PCM1: variants seen among roughly 807,000 people sequenced by gnomAD.
PCM1 encodes the protein pericentriolar material 1 protein.
PCM1 carries 157 observed loss-of-function variants against 241.9 expected under a neutral mutation model. The ratio of observed to expected loss-of-function variants is 0.65; its 90% CI spans 0.57 to 0.74. The LOEUF (loss-of-function observed/expected upper bound fraction) is 0.74, where lower values mean the gene tolerates loss of function less well. PCM1 is among the 30% of genes least tolerant of loss of function. The pLI is 0.00. For missense variants in PCM1, 3,478 were observed against 2,360.1 expected, an observed-to-expected ratio of 1.47 and a Z score of -9.81; for synonymous variants, 1,085 against 784.9, an observed-to-expected ratio of 1.38 and a Z score of -6.39.
At chr8:17,983,022 C>T (rs2081410038) in intron 24 of PCM1, among the ~76,000 whole-genome samples, 2 of 152,186 alleles carry the variant, frequency 1.3e-5, no homozygotes, top group Non-Finnish European at 2.9e-5. Flanking sequence ...TGATAGTCAT[C>T]ATCGGTCGCC....
Position 17,950,629 on chromosome 8 carries a change from G to T in PCM1, c.976G>T (p.Ala326Ser). The T allele has an allele frequency of 6.3e-7, 1 of 1,590,678 alleles. No homozygotes were observed. The highest frequency in any genetic ancestry group is 8.6e-7 in the Non-Finnish European group (1 of 1,162,524). Residue 326 changes from alanine to serine, a missense_variant, in exon 8 of 39, where the codon GCA becomes TCA. By Grantham distance (99) the Ala-to-Ser change is moderately conservative (BLOSUM62 1). Transcript: ENST00000325083. ...TTTCTTTCCAGTTGTTGCAGAAACT[G>T]CAGGTAGCTTATCTGGCGTCAGTAT... ...VMDDSVVAET[A>S]GSLSGVSITS...
At position 18,011,798 on chromosome 8, in the gene PCM1, G is replaced by A; in HGVS notation, c.5482G>A (p.Ala1828Thr). 1 of 1,613,188 alleles carries A rather than the reference G, an allele frequency of 6.2e-7. No homozygotes were observed. Among genetic ancestry groups the A allele is most frequent in the Non-Finnish European group, 8.5e-7 (1 of 1,179,660 alleles). The stretch of plus-strand genomic sequence containing the variant: ...GACTTCCCTCCAGGCTAACACTGAA[G>A]CTACTGAAGAAAATGAACATGATGA... Reference protein sequence around the residue: ...VQTSLQANTEATEENEHDEQV... With the variant: ...VQTSLQANTETTEENEHDEQV... Residue 1828 changes from alanine (A) to threonine (T), a missense_variant, in exon 34 of 39, where the codon GCT (alanine) becomes ACT (threonine). By Grantham distance (58) the Ala-to-Thr change is moderately conservative (BLOSUM62 0). Transcript: ENST00000325083.
intron 13 of PCM1, among the ~76,000 whole-genome samples, chr8:17,959,142 G>T (rs1008063902): frequency 1.3e-5 from 2 of 151,914 alleles, no homozygotes; most frequent in Non-Finnish European, 2.9e-5. Flanking sequence ...ATGACGTTTT[G>T]TGGTATGTTT....
At chr8:17,991,238 T>C (rs563588589) in intron 27 of PCM1, among the ~76,000 whole-genome samples, 12 of 152,254 alleles carry the variant, frequency 7.9e-5, no homozygotes, top group Admixed American at 7.2e-4. Flanking sequence ...GAAATAAATA[T>C]GGGCTTCAGA....
chr8:18,026,169 C>CAAAAAAA (rs2094190662), intron 38 of PCM1, among the ~76,000 whole-genome samples: 4 of 7,568 alleles, frequency 5.3e-4, no homozygotes, highest in African/African-American at 8.9e-4. Context: ...CTCTCTGAAA[C>CAAAAAAA]AAAAAAAAAA....
intron 11 of PCM1, among the ~76,000 whole-genome samples, chr8:17,957,016 A>G (rs2068832345): frequency 6.6e-6 from 1 of 152,212 alleles, no homozygotes; most frequent in South Asian, 2.1e-4. Flanking sequence ...CATGAGATGT[A>G]TCTAACTTAG....
At chr8:17,995,564 G>T (rs890770948) in intron 29 of PCM1, among the ~76,000 whole-genome samples, 1 of 151,182 alleles carries the variant, frequency 6.6e-6, no homozygotes, top group African/African-American at 2.5e-5. Context: ...TTTTTTTGTG[G>T]TTCCTATAAA....
rs1345977966 is a variant in PCM1, at chr8:18,029,319, A to C, written c.*1657A>C. ...TTCAACTTTAATAAAACCTATTCAG[A>C]AAATTACCAATTCAGAATTCGGAGT... On this transcript the variant is annotated 3_prime_UTR_variant, in exon 39 of 39. Transcript: ENST00000325083. 4.7e-6 allele frequency: 1 copy of C among 212,716 alleles called. No individual in the cohort carries two copies. Among genetic ancestry groups the C allele is most frequent in the Non-Finnish European group, 9.5e-6 (1 of 105,004 alleles). 13.2% of individuals were successfully genotyped at this position (212,716 alleles called of 1,614,324 possible). A position where few individuals can be genotyped will look rare whatever the true frequency, so the allele number is the denominator to read the frequency against.
chr8:17,963,072 A>T, intron 16 of PCM1, 29 bp from the exon 17 acceptor site: 1 of 1,530,302 alleles, frequency 6.5e-7, no homozygotes, highest in Non-Finnish European at 8.9e-7. Context: ...CCAAATATTT[A>T]TTTAACTCTG....
chr8:18,013,976 G>C lies in PCM1; in HGVS notation c.5524G>C (p.Asp1842His), dbSNP rs200811005. The C allele has an allele frequency of 4.7e-5, 75 of 1,600,078 alleles. No homozygotes were observed. The Middle Eastern group carries it at 1.3e-3, about 28-fold the overall frequency. Residue 1842 changes from aspartate (D) to histidine (H), a missense_variant, in exon 35 of 39, where the codon GAC (aspartate) becomes CAC (histidine). Coordinates refer to ENST00000325083, the MANE Select transcript of PCM1 (RefSeq NM_006197.4). ...NEHDEQVLQR[D>H]FKKTAESKNV... is the part of the protein sequence containing the mutation. Reference sequence around the variant, plus strand: ...TTTTCCCTTCTAGGTCCTACAACGTGACTTTAAAAAGACAGCAGAAAGCAA... The same window carrying C: ...TTTTCCCTTCTAGGTCCTACAACGTCACTTTAAAAAGACAGCAGAAAGCAA...
chr8:18,022,407 C>T (rs1448217041), intron 36 of PCM1, among the ~76,000 whole-genome samples: 1 of 152,226 alleles, frequency 6.6e-6, no homozygotes, highest in African/African-American at 2.4e-5. Flanking sequence ...TAGCCACTCT[C>T]ACTCAACCAA....
At chr8:17,958,307 A>G (rs754195304) in intron 13 of PCM1, among the ~76,000 whole-genome samples, 1 of 152,292 alleles carries the variant, frequency 6.6e-6, no homozygotes, top group Non-Finnish European at 1.5e-5. Flanking sequence ...TACTGTATAT[A>G]AAAGAAAAAC....
chr8:17,960,024 C>G lies in PCM1; in HGVS notation c.2051C>G (p.Ala684Gly), dbSNP rs377558873. The change falls in exon 14 of 39, where the codon GCA (alanine) becomes GGA (glycine). Residue 684 changes from alanine (A) to glycine (G), a missense_variant. Coordinates refer to ENST00000325083, the MANE Select transcript of PCM1 (RefSeq NM_006197.4). The part of the protein sequence containing the change: ...DLVAMVQDDD[A>G]AQGVISASAS... The stretch of plus-strand genomic sequence containing the variant: ...ATGATGCTCTTTCAGGATGATGATG[C>G]AGCTCAAGGAGTTATCTCTGCCAGT... The G allele has an allele frequency of 6.2e-7, 1 of 1,611,792 alleles. No homozygotes were observed. Among genetic ancestry groups the G allele is most frequent in the Non-Finnish European group, 8.5e-7 (1 of 1,179,028 alleles).
intron 15 of PCM1, 31 bp downstream of exon 15, chr8:17,960,475 A>G (rs755453693): frequency 6.4e-7 from 1 of 1,554,772 alleles, no homozygotes; most frequent in Non-Finnish European, 8.7e-7. Flanking sequence ...TAATTGTCTG[A>G]AAAAAGATGT....
At chr8:18,003,308 G>T (rs1428941526) in intron 29 of PCM1, among the ~76,000 whole-genome samples, 2 of 152,190 alleles carry the variant, frequency 1.3e-5, no homozygotes, top group Non-Finnish European at 2.9e-5. Flanking sequence ...CTCTAAGTGT[G>T]AAAACAACTG....
rs756241649 is a variant in PCM1 at position 17,964,569 on chromosome 8, A to G, written c.2656A>G (p.Thr886Ala). The change falls in exon 18 of 39, where the codon ACG becomes GCG. Residue 886 changes from threonine (T) to alanine (A), a missense_variant and splice_region_variant. Thr to Ala is a moderately conservative substitution (Grantham distance 58). Transcript: ENST00000325083. ...TGTTTTATGTCTCTTAATCACTAGA[A>G]CGATGGCAACTTGGGGAGGGTCTAC... Reference protein sequence around the residue: ...CTPQQSRTEKTMATWGGSTQC... With the variant: ...CTPQQSRTEKAMATWGGSTQC... The G allele has an allele frequency of 1.2e-5, 19 of 1,612,304 alleles. No individual in the cohort carries two copies. In the South Asian group the frequency reaches 2.1e-4, roughly 18 times the overall value.
intron 4 of PCM1, among the ~76,000 whole-genome samples, chr8:17,937,953 A>G (rs896855718): frequency 2.0e-5 from 3 of 152,152 alleles, no homozygotes; most frequent in African/African-American, 4.8e-5. Context: ...ATTTATTTAT[A>G]TCTATTTATC....
chr8:17,952,944 C>CT (rs769020251), intron 8 of PCM1, 26 bp from the exon 9 acceptor site: 45 of 1,411,918 alleles, frequency 3.2e-5, no homozygotes, highest in Non-Finnish European at 4.1e-5. Context: ...CTTAATTCTT[C>CT]TTTTTTGTTG....
At chr8:18,014,925 T>G (rs2092978669) in intron 36 of PCM1, 85 bp downstream of exon 36, 17 of 1,199,208 alleles carry the variant, frequency 1.4e-5, no homozygotes, top group Non-Finnish European at 1.9e-5. Context: ...TCTCCACATG[T>G]AAACCATTTT....
Sources: allele counts gnomAD v4.1 joint callset (sites outside exome capture counted in the v4.1 genomes callset), GRCh38; gene constraint gnomAD v4.1.1; transcripts MANE v1.5; gene names NCBI Gene and HGNC (gene_info 2026-07-23, HGNC 2026-07-21).